Variants in HS6ST3 observed in about 807,000 individuals in gnomAD.
HS6ST3 encodes the protein heparan sulfate 6-O-sulfotransferase 3.
A neutral mutation model predicts 36.7 loss-of-function variants in HS6ST3; 12 were observed. The observed-to-expected ratio is 0.33, with a 90% CI of 0.21 to 0.53. The LOEUF is 0.53. HS6ST3 is among the 20% of genes least tolerant of loss of function. HS6ST3 has a pLI of 0.95. For missense variants in HS6ST3, 584 were observed against 640.9 expected (o/e 0.91, Z 0.96); for synonymous variants, 240 against 257.5 (o/e 0.93, Z 0.65).
intron 1 of HS6ST3, among the ~76,000 whole-genome samples, chr13:96,702,846 G>A (rs1236048285): frequency 6.6e-6 from 1 of 152,194 alleles, no homozygotes; most frequent in African/African-American, 2.4e-5. Flanking sequence ...GATGAAGAGG[G>A]TAGGTGACCT....
chr13:96,765,320 C>A (rs1029131854), intron 1 of HS6ST3, among the ~76,000 whole-genome samples: 1 of 151,996 alleles, frequency 6.6e-6, no homozygotes, highest in Non-Finnish European at 1.5e-5. Context: ...GATCTGCCCT[C>A]CTTGGCCTCC....
At chr13:96,752,539 C>T (rs1048911697) in intron 1 of HS6ST3, among the ~76,000 whole-genome samples, 4 of 152,016 alleles carry the variant, frequency 2.6e-5, no homozygotes, top group African/African-American at 9.7e-5. Context: ...CTTTGCATTT[C>T]CCTAATTACT....
At chr13:96,160,896 G>A (rs1010697347) in intron 1 of HS6ST3, among the ~76,000 whole-genome samples, 1 of 152,156 alleles carries the variant, frequency 6.6e-6, no homozygotes, top group Non-Finnish European at 1.5e-5. Flanking sequence ...CACAAAGGGA[G>A]GTGGTACTTG....
chr13:96,596,175 T>C (rs1257498353), intron 1 of HS6ST3, among the ~76,000 whole-genome samples: 1 of 152,190 alleles, frequency 6.6e-6, no homozygotes, highest in East Asian at 1.9e-4. Flanking sequence ...TTAGCTCTCA[T>C]TTATACATAA....
At chr13:96,815,979 G>T (rs1229357072) in intron 1 of HS6ST3, among the ~76,000 whole-genome samples, 3 of 152,124 alleles carry the variant, frequency 2.0e-5, no homozygotes, top group Non-Finnish European at 4.4e-5. Context: ...AAGGGGCAGG[G>T]CTCTGAATGG....
At chr13:96,236,469 C>A (rs1202548946) in intron 1 of HS6ST3, among the ~76,000 whole-genome samples, 1 of 152,046 alleles carries the variant, frequency 6.6e-6, no homozygotes, top group African/African-American at 2.4e-5. Context: ...GTCCATTCCT[C>A]ACCTCTGCCA....
At chr13:96,508,531 A>G (rs1219163538) in intron 1 of HS6ST3, among the ~76,000 whole-genome samples, 2 of 151,852 alleles carry the variant, frequency 1.3e-5, no homozygotes, top group Non-Finnish European at 2.9e-5. Context: ...GCCCCTTCCA[A>G]TCCTCCTCTT....
intron 1 of HS6ST3, among the ~76,000 whole-genome samples, chr13:96,824,762 C>G (rs771087062): frequency 2.0e-5 from 3 of 152,096 alleles, no homozygotes; most frequent in Non-Finnish European, 4.4e-5. Context: ...GGTCGCCTGT[C>G]CATGCTCCAT....
chr13:96,726,801 T>C (rs1876015951), intron 1 of HS6ST3, among the ~76,000 whole-genome samples: 1 of 152,198 alleles, frequency 6.6e-6, no homozygotes, highest in African/African-American at 2.4e-5. Flanking sequence ...TGTTGCTCCA[T>C]TGTCTTCTCA....
intron 1 of HS6ST3, among the ~76,000 whole-genome samples, chr13:96,786,677 T>C (rs1449419266): frequency 1.3e-5 from 2 of 152,218 alleles, no homozygotes; most frequent in African/African-American, 2.4e-5. Context: ...GGGAAGGCAT[T>C]ACAAATTTAG....
chr13:96,210,251 A>C (rs2054392238), intron 1 of HS6ST3, among the ~76,000 whole-genome samples: 1 of 152,232 alleles, frequency 6.6e-6, no homozygotes, highest in Non-Finnish European at 1.5e-5. Context: ...AAATATTTCC[A>C]TTTCAAAATA....
chr13:96,614,287 G>C (rs1296682787), intron 1 of HS6ST3, among the ~76,000 whole-genome samples: 1 of 91,150 alleles, frequency 1.1e-5, no homozygotes, highest in African/African-American at 4.4e-5. Context: ...AACAGAGCAA[G>C]GATCCATCTC....
At chr13:96,701,512 C>G (rs1875284015) in intron 1 of HS6ST3, among the ~76,000 whole-genome samples, 1 of 152,110 alleles carries the variant, frequency 6.6e-6, no homozygotes, top group Non-Finnish European at 1.5e-5. Context: ...AAATTCAACA[C>G]TGTGGAGTTC....
intron 1 of HS6ST3, among the ~76,000 whole-genome samples, chr13:96,315,799 G>T (rs1490596763): frequency 6.6e-6 from 1 of 152,102 alleles, no homozygotes; most frequent in Non-Finnish European, 1.5e-5. Flanking sequence ...TCAATAGCAA[G>T]CTTGCTAGTC....
In HS6ST3 at chr13:96,450,204, G is replaced by A. The variant is rs148998195; in HGVS notation, c.707+358635G>A. Among the ~76,000 whole-genome samples the A allele has an allele frequency of 3.2e-4, 49 of 152,278 alleles. 1 individual carries two copies. In the East Asian group the frequency reaches 6.4e-3, roughly 20 times the overall value. On this transcript the variant is annotated intron_variant, in intron 1 of 1. Transcript: ENST00000376705. ...ATGGGTAGTTCTTATAAATGAGTTG[G>A]CTTGAACAGAGTCATTTTTTGGGGG...
At chr13:96,157,683 C>G (rs2054116519) in intron 1 of HS6ST3, among the ~76,000 whole-genome samples, 1 of 152,170 alleles carries the variant, frequency 6.6e-6, no homozygotes. Context: ...TGTGAAAACA[C>G]TTATTTCAGG....
rs1164157517 is a variant in HS6ST3, at chr13:96,522,597, T to G, written c.708-309893T>G. On this transcript the variant is annotated intron_variant, in intron 1 of 1. Coordinates refer to ENST00000376705, the MANE Select transcript of HS6ST3 (RefSeq NM_153456.4). ...CTTGTTGAATTTATCCCTTTACCAT[T>G]ATGTAATGGCCTTTTTTGTCTCTTT... is the stretch of plus-strand genomic sequence containing the variant. Among the ~76,000 whole-genome samples, 3 of 152,184 alleles carry G rather than the reference T, an allele frequency of 2.0e-5. No individual in the cohort carries two copies. The East Asian group carries it at 5.8e-4, about 29-fold the overall frequency.
chr13:96,650,627 G>A (rs1026859193), intron 1 of HS6ST3, among the ~76,000 whole-genome samples: 2 of 152,038 alleles, frequency 1.3e-5, no homozygotes, highest in Non-Finnish European at 2.9e-5. Context: ...CTTGATTTAA[G>A]TCCAAGAGGT....
At chr13:96,146,971 A>G (rs1264350674) in intron 1 of HS6ST3, among the ~76,000 whole-genome samples, 2 of 152,226 alleles carry the variant, frequency 1.3e-5, no homozygotes, top group African/African-American at 4.8e-5. Context: ...CAATAAACAC[A>G]GGAAAGTTTA....
Sources: allele counts gnomAD v4.1 joint callset (sites outside exome capture counted in the v4.1 genomes callset), GRCh38; gene constraint gnomAD v4.1.1; transcripts MANE v1.5; gene names NCBI Gene and HGNC (gene_info 2026-07-23, HGNC 2026-07-21).